LMOD1: variants seen among roughly 807,000 people sequenced by gnomAD.
LMOD1 encodes the protein leiomodin-1.
In LMOD1, 8 loss-of-function variants were observed where a neutral mutation model predicts 36.5. The observed-to-expected ratio is 0.22, with a 90% CI of 0.13 to 0.40. The LOEUF is 0.40. Among genes scored for constraint, LMOD1 ranks in the 10% least tolerant of loss-of-function variants. The probability of loss-of-function intolerance (pLI) is 1.00; values close to 1 mark genes in which losing one functional copy is unlikely to be tolerated. For missense variants in LMOD1, 630 were observed against 751.1 expected (o/e 0.84, Z 1.88); for synonymous variants, 284 against 288.7 (o/e 0.98, Z 0.17).
chr1:201,915,000 T>C (rs1289021993), intron 1 of LMOD1, among the ~76,000 whole-genome samples: 2 of 152,122 alleles, frequency 1.3e-5, no homozygotes, highest in African/African-American at 4.8e-5. Flanking sequence ...TCCAACACAC[T>C]CTTGCCTCAC....
intron 1 of LMOD1, among the ~76,000 whole-genome samples, chr1:201,907,410 A>C (rs749405362): frequency 5.3e-5 from 8 of 152,222 alleles, no homozygotes; most frequent in Non-Finnish European, 7.3e-5. Context: ...GAAGTGATTA[A>C]GCCTCGAGGG....
At chr1:201,911,008 T>G (rs929158972) in intron 1 of LMOD1, among the ~76,000 whole-genome samples, 1 of 152,120 alleles carries the variant, frequency 6.6e-6, no homozygotes, top group African/African-American at 2.4e-5. Flanking sequence ...TACTCTTAAC[T>G]ACTATGCTGT....
At chr1:201,932,823 C>T (rs934486859) in intron 1 of LMOD1, among the ~76,000 whole-genome samples, 1 of 152,138 alleles carries the variant, frequency 6.6e-6, no homozygotes, top group African/African-American at 2.4e-5. Context: ...TATGTTAAAC[C>T]TTCAAATTTT....
intron 1 of LMOD1, among the ~76,000 whole-genome samples, chr1:201,912,814 G>A (rs1681537385): frequency 6.6e-6 from 1 of 152,134 alleles, no homozygotes; most frequent in Non-Finnish European, 1.5e-5. Flanking sequence ...AGCCGAGATG[G>A]CACCACTGCA....
intron 1 of LMOD1, among the ~76,000 whole-genome samples, chr1:201,937,315 G>A (rs1682034694): frequency 6.6e-6 from 1 of 151,480 alleles, no homozygotes; most frequent in South Asian, 2.1e-4. Context: ...GGCGCGGTGG[G>A]ACACACCTGT....
In LMOD1 at chr1:201,920,766, C is replaced by T. The variant is rs528386188; in HGVS notation, c.262-20015G>A. On this transcript the variant is annotated intron_variant, in intron 1 of 2. Transcript: ENST00000367288. ...GTGGGAGGCTGGGCGCGGTGGCTCA[C>T]GCCTGTAATCTCAGCACTTTGGGAA... Among the ~76,000 whole-genome samples the T allele has an allele frequency of 7.2e-5, 11 of 152,234 alleles. No homozygotes were observed. The South Asian group carries it at 8.3e-4, about 11-fold the overall frequency.
chr1:201,898,404 G>A lies in LMOD1; in HGVS notation c.1777-6C>T. 1 of 1,612,352 alleles carries A rather than the reference G, an allele frequency of 6.2e-7. No individual in the cohort carries two copies. The highest frequency in any genetic ancestry group is 8.5e-7 in the Non-Finnish European group (1 of 1,179,282). On this transcript the variant is annotated splice_region_variant and splice_polypyrimidine_tract_variant and intron_variant, in intron 2 of 2. Coordinates refer to ENST00000367288, the MANE Select transcript of LMOD1 (RefSeq NM_012134.3). The stretch of plus-strand genomic sequence containing the variant: ...AGCAGTTTGGGCACTTCCACCTGTA[G>A]GGGCAAAGTAGAGACAGGTTAGAGA...
At chr1:201,924,665 A>AAG (rs1553297893) in intron 1 of LMOD1, among the ~76,000 whole-genome samples, 2 of 130,294 alleles carry the variant, frequency 1.5e-5, no homozygotes, top group African/African-American at 5.9e-5. Flanking sequence ...AGAAAGAAAA[A>AAG]AAAGAAAGAA....
rs140425759 is a variant in LMOD1, at chr1:201,940,143, C to A, written c.261+5937G>T. Among the ~76,000 whole-genome samples, 331 of 150,316 alleles carry A rather than the reference C, an allele frequency of 2.2e-3. 1 individual carries two copies. The highest frequency in any genetic ancestry group is 7.8e-3 in the African/African-American group (320 of 40,884). The stretch of plus-strand genomic sequence containing the variant: ...ACAAGTGCTCCTTGGTCCTGTCCAT[C>A]TGTCCTGCCTCCCTCTTGCATTTTC... On this transcript the variant is annotated intron_variant, in intron 1 of 2. Coordinates refer to ENST00000367288, the MANE Select transcript of LMOD1 (RefSeq NM_012134.3).
intron 1 of LMOD1, among the ~76,000 whole-genome samples, chr1:201,913,144 T>G (rs1043218777): frequency 7.2e-5 from 11 of 152,142 alleles, no homozygotes; most frequent in African/African-American, 1.2e-4. Flanking sequence ...GACAGCCATT[T>G]TATTGTCCAT....
At chr1:201,919,598 C>A (rs546166882) in intron 1 of LMOD1, among the ~76,000 whole-genome samples, 2 of 152,298 alleles carry the variant, frequency 1.3e-5, no homozygotes, top group South Asian at 4.2e-4. Context: ...CCCTTCTCTT[C>A]TATGTGAGTG....
At chr1:201,927,725 T>A (rs1383475351) in intron 1 of LMOD1, among the ~76,000 whole-genome samples, 2 of 152,182 alleles carry the variant, frequency 1.3e-5, no homozygotes, top group Non-Finnish European at 2.9e-5. Flanking sequence ...GGAAACTCAG[T>A]GTAAGCAAAA....
At chr1:201,910,971 C>T (rs1681487706) in intron 1 of LMOD1, among the ~76,000 whole-genome samples, 1 of 151,994 alleles carries the variant, frequency 6.6e-6, no homozygotes, top group Non-Finnish European at 1.5e-5. Context: ...GGAGTTCACA[C>T]TCAGATCTCT....
chr1:201,927,422 C>T (rs996055590), intron 1 of LMOD1, among the ~76,000 whole-genome samples: 30 of 152,006 alleles, frequency 2.0e-4, no homozygotes, highest in Admixed American at 1.0e-3. Flanking sequence ...AAAAATTAGC[C>T]GGGTGTGGTG....
In LMOD1 at chr1:201,933,597, ATATATAT is replaced by A. The variant is rs1558242931; in HGVS notation, c.261+12476_261+12482del. Among the ~76,000 whole-genome samples, 5 of 110,924 alleles carry A rather than the reference ATATATAT, an allele frequency of 4.5e-5. No homozygotes were observed. In the East Asian group the frequency reaches 1.4e-3, roughly 32 times the overall value. The allele number at this position is 110,924 out of a possible 152,430, so 72.8% of individuals were successfully genotyped here. ...ATATATGTACACATATACATACATT[ATATATAT>A]ATATATATATATATATATATGGCAA... On this transcript the variant is annotated intron_variant, in intron 1 of 2. Coordinates refer to ENST00000367288, the MANE Select transcript of LMOD1 (RefSeq NM_012134.3).
chr1:201,902,598 T>C (rs1345297627), intron 1 of LMOD1, among the ~76,000 whole-genome samples: 3 of 152,088 alleles, frequency 2.0e-5, no homozygotes, highest in African/African-American at 7.2e-5. Context: ...AGGTGCACAC[T>C]ACCATGCCCA....
At chr1:201,921,611 T>G (rs930707417) in intron 1 of LMOD1, among the ~76,000 whole-genome samples, 3 of 151,428 alleles carry the variant, frequency 2.0e-5, no homozygotes, top group Non-Finnish European at 4.4e-5. Context: ...ATATGGTGAC[T>G]CTGAAAAGTG....
At chr1:201,917,595 T>C (rs985103698) in intron 1 of LMOD1, among the ~76,000 whole-genome samples, 17 of 151,926 alleles carry the variant, frequency 1.1e-4, no homozygotes, top group Non-Finnish European at 2.5e-4. Context: ...GGGAAGCTTG[T>C]AGCAAACCCC....
intron 1 of LMOD1, among the ~76,000 whole-genome samples, chr1:201,903,371 G>A (rs1023498708): frequency 5.9e-5 from 9 of 152,214 alleles, no homozygotes; most frequent in Non-Finnish European, 1.2e-4. Flanking sequence ...CAGCTGCACT[G>A]GAGGCCCCAC....
Sources: gnomAD v4.1 joint callset for allele counts (sites outside exome capture counted in the v4.1 genomes callset) on GRCh38, gnomAD v4.1.1 for gene constraint, MANE v1.5 for transcripts, NCBI Gene and HGNC (gene_info 2026-07-23, HGNC 2026-07-21) for gene names.